Variants in LANCL3 observed in about 807,000 individuals in gnomAD.
The protein encoded by LANCL3 is lanC-like protein 3.
A neutral mutation model predicts 26.5 loss-of-function variants in LANCL3; 19 were observed. The ratio of observed to expected loss-of-function variants is 0.72; its 90% CI spans 0.50 to 1.05. The LOEUF is 1.05. Ranked by LOEUF, LANCL3 falls within the 50% of genes least tolerant of loss-of-function variation. LANCL3 has a pLI of 0.00. For synonymous variants in LANCL3, 160 were observed against 166.6 expected (o/e 0.96, Z 0.30); for missense variants, 318 against 362.7 (o/e 0.88, Z 1.00).
intron 1 of LANCL3, among the ~76,000 whole-genome samples, chrX:37,655,472 C>G (rs946068069): frequency 3.6e-5 from 4 of 111,739 alleles, no homozygotes; most frequent in Non-Finnish European, 7.5e-5. Context: ...TGTTTTCCAC[C>G]GAAATGGCAA....
At chrX:37,657,461 A>T (rs1228659232) in intron 2 of LANCL3, among the ~76,000 whole-genome samples, 4 of 111,144 alleles carry the variant, frequency 3.6e-5, no homozygotes, top group African/African-American at 1.3e-4. Context: ...TCCTGAGCTC[A>T]GTTGATCCTC....
intron 1 of LANCL3, among the ~76,000 whole-genome samples, chrX:37,578,194 A>G (rs1457814404): frequency 1.8e-5 from 2 of 112,340 alleles, no homozygotes. Context: ...TTCTAAAGTC[A>G]TGTAGAACAT....
intron 1 of LANCL3, among the ~76,000 whole-genome samples, chrX:37,615,183 T>C (rs782168801): frequency 9.0e-6 from 1 of 111,555 alleles, no homozygotes; most frequent in Admixed American, 9.6e-5. Flanking sequence ...TTCTAAAATT[T>C]TAATGCGCGT....
chrX:37,674,874 G>A (rs1926758808), intron 4 of LANCL3, among the ~76,000 whole-genome samples: 1 of 111,368 alleles, frequency 9.0e-6, no homozygotes, highest in Non-Finnish European at 1.9e-5. Context: ...GATTATTTGT[G>A]TTCTTGATGG....
chrX:37,632,026 T>C (rs1925534094), intron 1 of LANCL3, among the ~76,000 whole-genome samples: 2 of 110,984 alleles, frequency 1.8e-5, no homozygotes, highest in African/African-American at 6.6e-5. Context: ...TTCTGTCTCA[T>C]TGATCTGTCT....
intron 1 of LANCL3, among the ~76,000 whole-genome samples, chrX:37,591,378 T>G (rs1359153859): frequency 6.3e-5 from 7 of 111,005 alleles, no homozygotes; most frequent in Non-Finnish European, 1.1e-4. Context: ...GTGTTAGTGG[T>G]GGTGTGGGTC....
chrX:37,585,940 G>A (rs1410039858), intron 1 of LANCL3, among the ~76,000 whole-genome samples: 2 of 111,836 alleles, frequency 1.8e-5, no homozygotes, highest in Non-Finnish European at 3.8e-5. Context: ...GGTACCGGTT[G>A]TTCCTTTCCA....
intron 3 of LANCL3, among the ~76,000 whole-genome samples, chrX:37,665,418 A>C (rs1556433626): frequency 9.0e-6 from 1 of 111,707 alleles, no homozygotes; most frequent in Non-Finnish European, 1.9e-5. Flanking sequence ...GGAATTCTCT[A>C]TGTATCCTTC....
chrX:37,586,566 C>G (rs1300107786), intron 1 of LANCL3, among the ~76,000 whole-genome samples: 1 of 111,836 alleles, frequency 8.9e-6, no homozygotes, highest in Non-Finnish European at 1.9e-5. Context: ...ATCACTGATA[C>G]CCTTTCTTCC....
intron 3 of LANCL3, among the ~76,000 whole-genome samples, chrX:37,661,608 C>T (rs1452963878): frequency 6.3e-5 from 7 of 111,466 alleles, no homozygotes; most frequent in African/African-American, 2.3e-4. Flanking sequence ...GATTATAAGT[C>T]TAATCAGTGC....
intron 1 of LANCL3, among the ~76,000 whole-genome samples, chrX:37,655,327 T>TTGTTAAGC (rs1211799472): frequency 8.9e-6 from 1 of 111,952 alleles, no homozygotes; most frequent in Non-Finnish European, 1.9e-5. Flanking sequence ...AGTAACAGCT[T>TTGTTAAGC]TGTTAAGCAT....
At chrX:37,643,167 A>G (rs1475438266) in intron 1 of LANCL3, among the ~76,000 whole-genome samples, 7 of 112,177 alleles carry the variant, frequency 6.2e-5, no homozygotes, top group African/African-American at 2.3e-4. Context: ...GGAAGCTACA[A>G]AGTGTTCTAG....
At chrX:37,633,566 A>G (rs1282650365) in intron 1 of LANCL3, among the ~76,000 whole-genome samples, 1 of 110,067 alleles carries the variant, frequency 9.1e-6, no homozygotes, top group Non-Finnish European at 1.9e-5. Context: ...GGTTTTATCT[A>G]CTTTTGGTCT....
chrX:37,670,701 T>A (rs1370421326), intron 4 of LANCL3, among the ~76,000 whole-genome samples: 1 of 111,372 alleles, frequency 9.0e-6, no homozygotes, highest in African/African-American at 3.3e-5. Flanking sequence ...TTAGAGTCAA[T>A]TTGTCATATT....
At chrX:37,623,178 G>C (rs1422351687) in intron 1 of LANCL3, among the ~76,000 whole-genome samples, 1 of 111,849 alleles carries the variant, frequency 8.9e-6, no homozygotes, top group Non-Finnish European at 1.9e-5. Flanking sequence ...TTTAAGGAGA[G>C]CATGAATGTT....
intron 1 of LANCL3, among the ~76,000 whole-genome samples, chrX:37,606,806 G>A (rs1175789683): frequency 1.8e-5 from 2 of 112,240 alleles, no homozygotes; most frequent in Non-Finnish European, 3.8e-5. Flanking sequence ...TATTTCACAT[G>A]TAAGTCTATC....
intron 2 of LANCL3, among the ~76,000 whole-genome samples, chrX:37,657,928 T>C (rs1044334715): frequency 3.6e-5 from 4 of 111,724 alleles, no homozygotes; most frequent in Admixed American, 1.9e-4. Flanking sequence ...TTTAAAGTTA[T>C]AGAGTTGAGT....
intron 1 of LANCL3, among the ~76,000 whole-genome samples, chrX:37,593,946 G>C (rs1924356779): frequency 8.9e-6 from 1 of 111,861 alleles, no homozygotes; most frequent in South Asian, 3.7e-4. Flanking sequence ...TGTTTTATTA[G>C]TAGAATAAAG....
At chrX:37,594,020 G>A (rs1293525501) in intron 1 of LANCL3, among the ~76,000 whole-genome samples, 4 of 111,685 alleles carry the variant, frequency 3.6e-5, no homozygotes, top group South Asian at 3.8e-4. Context: ...TGTGCCTTCC[G>A]TAGTAAAGTA....
Sources: allele counts gnomAD v4.1 joint callset (sites outside exome capture counted in the v4.1 genomes callset), GRCh38; gene constraint gnomAD v4.1.1; transcripts MANE v1.5; gene names NCBI Gene and HGNC (gene_info 2026-07-23, HGNC 2026-07-21).